SAMD11: variants seen among roughly 807,000 people sequenced by gnomAD.
SAMD11 encodes the protein sterile alpha motif domain containing 11.
Under a neutral mutation model 64.4 loss-of-function variants are expected in SAMD11, and 77 were observed. The observed-to-expected ratio is 1.20, with a 90% CI of 0.99 to 1.44. SAMD11 has a LOEUF of 1.44. Ranked by LOEUF, SAMD11 falls within the 40% of genes most tolerant of loss-of-function variation. The pLI is 0.00. For missense variants in SAMD11, 1,402 were observed against 943.3 expected (o/e 1.49, Z -6.37); for synonymous variants, 658 against 421.9 (o/e 1.56, Z -6.86).
rs746089227 is a variant in SAMD11 at position 942,535 on chromosome 1, G to T, written c.1554-24G>T. The T allele has an allele frequency of 8.7e-4, 1,227 of 1,414,112 alleles. 2 individuals are homozygous for T. The highest frequency in any genetic ancestry group is 1.0e-3 in the Non-Finnish European group (1,140 of 1,092,686). 87.6% of individuals were successfully genotyped at this position (1,414,112 alleles called of 1,614,324 possible). On this transcript the variant is annotated intron_variant, in intron 10 of 13. Coordinates refer to ENST00000616016, the MANE Select transcript of SAMD11 (RefSeq NM_001385641.1). ...GGGCCGCGCGGCCCGGGAGGCGGCT[G>T]ACCCGCGTCTGCCCCCGGCCCAGGC...
intron 4 of SAMD11, among the ~76,000 whole-genome samples, chr1:932,282 A>G (rs1641203103): frequency 1.3e-5 from 2 of 152,120 alleles, no homozygotes; most frequent in African/African-American, 4.8e-5. Context: ...CGCTCCAGTA[A>G]CGGCTCCTCC....
rs1246202828 is a variant in SAMD11, at chr1:943,963, C to G, written c.2345C>G (p.Pro782Arg). ...FYVASFPVAL[P>R]LQPPTLRAPE... ...GTGGCCAGCTTCCCCGTGGCTCTGCCACTGCAGCCACCAACCCTGCGGGCC... is the reference window on the plus strand; with the variant it reads ...GTGGCCAGCTTCCCCGTGGCTCTGCGACTGCAGCCACCAACCCTGCGGGCC... Residue 782 changes from proline (P) to arginine (R), a missense_variant, in exon 14 of 14, where the codon CCA becomes CGA. Physicochemically the swap from Pro to Arg is moderately radical, Grantham distance 103. Transcript: ENST00000616016. 14 of 1,612,792 alleles carry G rather than the reference C, an allele frequency of 8.7e-6. No homozygotes were observed. Among genetic ancestry groups the G allele is most frequent in the Non-Finnish European group, 1.1e-5 (13 of 1,179,938 alleles).
At chr1:933,548 A>T (rs888548323) in intron 4 of SAMD11, among the ~76,000 whole-genome samples, 19 of 151,950 alleles carry the variant, frequency 1.3e-4, no homozygotes, top group African/African-American at 4.6e-4. Flanking sequence ...GGGACACCAG[A>T]GGGGGGACCC....
chr1:944,429 C>CG lies in SAMD11; in HGVS notation c.*278dup. 9.4e-7 allele frequency: 1 copy of CG among 1,060,300 alleles called. No individual in the cohort carries two copies. Among genetic ancestry groups the CG allele is most frequent in the Non-Finnish European group, 1.3e-6 (1 of 786,918 alleles). The allele number at this position is 1,060,300 out of a possible 1,614,324, so 65.7% of individuals were successfully genotyped here. A position where few individuals can be genotyped will look rare whatever the true frequency, so the allele number is the denominator to read the frequency against. On this transcript the variant is annotated 3_prime_UTR_variant, in exon 14 of 14. Transcript: ENST00000616016. ...CTCCCCCTGGAACTGGGACTGGTCT[C>CG]GGTCTGCTGACGTCAGGGTCAGCTC...
At position 929,549 on chromosome 1, in the gene SAMD11, G is replaced by A. The variant is rs543779032; in HGVS notation, c.610-606G>A. On this transcript the variant is annotated intron_variant, in intron 2 of 13. Transcript: ENST00000616016. ...TAGAAAAGGGCATTCGCTTGTCAAC[G>A]TTGGCATCGGTGGCAGGGTGTGGTG... 7.0e-4 allele frequency among the ~76,000 whole-genome samples: 106 copies of A among 152,338 alleles called. 1 individual carries two copies. The highest frequency in any genetic ancestry group is 4.6e-4 in the Non-Finnish European group (31 of 68,026).
Position 942,801 on chromosome 1 carries a change from G to A in SAMD11, c.1796G>A (p.Gly599Asp). The stretch of plus-strand genomic sequence containing the variant: ...GCCCGGCGAGCCCCCCGGAAGGGGG[G>A]TCCCGGCCCTGCCTCAGCGCGGCCC... ...DSARRAPRKG[G>D]PGPASARPSE... The change falls in exon 11 of 14, where the codon GGT becomes GAT. Residue 599 changes from glycine (G) to aspartate (D), a missense_variant. Transcript: ENST00000616016. 4 of 1,545,200 alleles carry A rather than the reference G, an allele frequency of 2.6e-6. No homozygotes were observed. Among genetic ancestry groups the A allele is most frequent in the South Asian group, 1.2e-5 (1 of 83,764 alleles).
chr1:943,822 G>C lies in SAMD11; in HGVS notation c.2289+14G>C. The C allele has an allele frequency of 6.2e-7, 1 of 1,612,968 alleles. No individual in the cohort carries two copies. The highest frequency in any genetic ancestry group is 8.5e-7 in the Non-Finnish European group (1 of 1,179,984). On this transcript the variant is annotated intron_variant, in intron 13 of 13. Coordinates refer to ENST00000616016, the MANE Select transcript of SAMD11 (RefSeq NM_001385641.1). ...ATCCGGGCCCAGGTGAGACGCTGGG[G>C]AGTGAGGTCAGGGTCTCCAGACCAC...
chr1:939,484 C>T lies in SAMD11; in HGVS notation c.1195+72C>T, dbSNP rs369778333. 5.8e-6 allele frequency: 9 copies of T among 1,546,668 alleles called. No individual in the cohort carries two copies. The East Asian group carries it at 1.2e-4, about 20-fold the overall frequency. On this transcript the variant is annotated intron_variant, in intron 7 of 13. Coordinates refer to ENST00000616016, the MANE Select transcript of SAMD11 (RefSeq NM_001385641.1). ...CGGTGAGGACCCACCCTGGCATGAT[C>T]TCCCCTCATCACCTCCCCAGCCACA... is the stretch of plus-strand genomic sequence containing the variant.
intron 4 of SAMD11, among the ~76,000 whole-genome samples, chr1:935,352 G>C (rs1384220426): frequency 1.3e-5 from 2 of 151,988 alleles, no homozygotes; most frequent in African/African-American, 4.8e-5. Flanking sequence ...TCAGGGGATG[G>C]TTCACATGTG....
At chr1:928,681 A>C (rs1641025168) in intron 2 of SAMD11, among the ~76,000 whole-genome samples, 1 of 152,254 alleles carries the variant, frequency 6.6e-6, no homozygotes, top group African/African-American at 2.4e-5. Flanking sequence ...CCCCTTGCCC[A>C]GCAGTGCTGC....
At chr1:940,082 G>A (rs901288504) in intron 7 of SAMD11, among the ~76,000 whole-genome samples, 10 of 152,202 alleles carry the variant, frequency 6.6e-5, no homozygotes, top group Non-Finnish European at 1.3e-4. Context: ...GAGGTGGGTG[G>A]GGGCGCCGGG....
Position 925,966 on chromosome 1 carries a change from C to T in SAMD11, c.562C>T (p.His188Tyr). 1.9e-6 allele frequency: 3 copies of T among 1,612,124 alleles called. No homozygotes were observed. Among genetic ancestry groups the T allele is most frequent in the South Asian group, 2.2e-5 (2 of 91,090 alleles). Residue 188 changes from histidine to tyrosine, a missense_variant, in exon 2 of 14, where the codon CAT becomes TAT. By Grantham distance (83) the His-to-Tyr change is moderately conservative (BLOSUM62 2). Coordinates refer to ENST00000616016, the MANE Select transcript of SAMD11 (RefSeq NM_001385641.1). ...TATGTCCAAGGGGATCCTGCAGGTG[C>T]ATCCTCCGATCTGCGACTGCCCGGG... ...TLMSKGILQV[H>Y]PPICDCPGCR...
rs756140787 is a variant in SAMD11 at position 935,819 on chromosome 1, G to A, written c.890G>A (p.Arg297His). ...PTLISSVHRS[R>H]HLVMPEHQSR... ...CTCATATCCAGCGTCCACCGCAGCC[G>A]CCACCTCGTTATGCCCGAGCATCAG... Residue 297 changes from arginine (R) to histidine (H), a missense_variant, in exon 5 of 14, where the codon CGC becomes CAC. Transcript: ENST00000616016. 3.3e-5 allele frequency: 53 copies of A among 1,613,310 alleles called. No individual in the cohort carries two copies. Among genetic ancestry groups the A allele is most frequent in the Admixed American group, 5.0e-5 (3 of 59,994 alleles).
rs1640852117 is a variant in SAMD11 at position 925,755 on chromosome 1, C to T, written c.518-167C>T. 3 of 609,224 alleles carry T rather than the reference C, an allele frequency of 4.9e-6. No homozygotes were observed. In the Admixed American group the frequency reaches 7.1e-5, roughly 14 times the overall value. 37.7% of individuals were successfully genotyped at this position (609,224 alleles called of 1,614,324 possible). A position where few individuals can be genotyped will look rare whatever the true frequency, so the allele number is the denominator to read the frequency against. On this transcript the variant is annotated intron_variant, in intron 1 of 13. Coordinates refer to ENST00000616016, the MANE Select transcript of SAMD11 (RefSeq NM_001385641.1). ...TGCAGAGCCCAGCAGATCCCTGCGG[C>T]GTTCGCGAGGGTGGGACGGGAAGCG... is the stretch of plus-strand genomic sequence containing the variant.
chr1:939,804 C>A (rs1331632138), intron 7 of SAMD11, among the ~76,000 whole-genome samples: 2 of 151,134 alleles, frequency 1.3e-5, no homozygotes, highest in Non-Finnish European at 1.5e-5. Flanking sequence ...ACCTGCCAGA[C>A]GCCTGCCCCA....
chr1:938,949 T>C lies in SAMD11; in HGVS notation c.968-91T>C, dbSNP rs75871540. The C allele has an allele frequency of 7.0e-4, 802 of 1,141,778 alleles. 11 individuals carry two copies. In the East Asian group the frequency reaches 0.02, roughly 29 times the overall value. 70.7% of individuals were successfully genotyped at this position (1,141,778 alleles called of 1,614,324 possible). A position where few individuals can be genotyped will look rare whatever the true frequency, so the allele number is the denominator to read the frequency against. On this transcript the variant is annotated intron_variant, in intron 5 of 13. Transcript: ENST00000616016. ...CCAGGACCAAGGGCCCCCTGAGAGA[T>C]GGTGGGTGCGGTCCAGGCTGAGCTG... is the stretch of plus-strand genomic sequence containing the variant.
intron 4 of SAMD11, among the ~76,000 whole-genome samples, chr1:932,342 C>A (rs1157012639): frequency 2.0e-5 from 3 of 152,208 alleles, no homozygotes; most frequent in East Asian, 3.8e-4. Context: ...TGCAGCGTCC[C>A]TCGGCAGCAC....
chr1:944,175 G>A lies in SAMD11; in HGVS notation c.*22G>A, dbSNP rs773911171. 1 of 1,519,882 alleles carries A rather than the reference G, an allele frequency of 6.6e-7. No individual in the cohort carries two copies. The allele number at this position is 1,519,882 out of a possible 1,614,324, so 94.1% of individuals were successfully genotyped here. ...TTGAGGTTGCCGGGGGTAGGGGTGG[G>A]GCCACACAAATCTCCAGGAGCCACC... On this transcript the variant is annotated 3_prime_UTR_variant, in exon 14 of 14. Coordinates refer to ENST00000616016, the MANE Select transcript of SAMD11 (RefSeq NM_001385641.1).
intron 4 of SAMD11, among the ~76,000 whole-genome samples, chr1:935,194 G>C (rs984491060): frequency 5.9e-5 from 9 of 152,158 alleles, no homozygotes; most frequent in Non-Finnish European, 1.2e-4. Context: ...CCCGCCTGCC[G>C]GGGGGACAGC....
Sources: allele counts gnomAD v4.1 joint callset (sites outside exome capture counted in the v4.1 genomes callset), GRCh38; gene constraint gnomAD v4.1.1; transcripts MANE v1.5; gene names NCBI Gene and HGNC (gene_info 2026-07-23, HGNC 2026-07-21).